Variants in ZNF407 observed in about 807,000 individuals in gnomAD.
The protein encoded by ZNF407 is zinc finger protein 407.
A neutral mutation model predicts 131.2 loss-of-function variants in ZNF407; 17 were observed. The observed-to-expected ratio is 0.13, with a 90% CI of 0.09 to 0.19. The LOEUF (loss-of-function observed/expected upper bound fraction) is 0.19, where lower values mean the gene tolerates loss of function less well. Among genes scored for constraint, ZNF407 ranks in the 10% least tolerant of loss-of-function variants. ZNF407 has a pLI of 1.00. For missense variants in ZNF407, 2,681 were observed against 2,830.6 expected (o/e 0.95, Z 1.20); for synonymous variants, 1,156 against 1,062.0 (o/e 1.09, Z -1.72).
Position 74,635,129 on chromosome 18 carries a change from G to A in ZNF407, c.4110G>A (p.Glu1370=), listed in dbSNP as rs763687847. The A allele has an allele frequency of 6.2e-7, 1 of 1,614,030 alleles. No individual in the cohort carries two copies. Among genetic ancestry groups the A allele is most frequent in the South Asian group, 1.1e-5 (1 of 91,080 alleles). ...GAATAAAGAACCCTGAAGATGGTGA[G>A]TTGATAGACCAGTCTGAAGAGGGCT... ...IIRIKNPEDG[E]LIDQSEEGLI... Residue 1370 remains glutamate, a synonymous_variant, in exon 2 of 9, where the codon GAG becomes GAA. Transcript: ENST00000299687. The surrounding 1 kb of genome is among the most constrained non-coding windows in gnomAD (Gnocchi z 4.7).
intron 8 of ZNF407, among the ~76,000 whole-genome samples, chr18:74,968,815 T>C (rs1330467975): frequency 1.3e-5 from 2 of 152,248 alleles, no homozygotes; most frequent in Non-Finnish European, 2.9e-5. Context: ...CAGGTATTTG[T>C]CGTTCACCAA....
At chr18:74,920,886 AT>A (rs1342467948) in intron 8 of ZNF407, 194 bp downstream of exon 8, 10 of 1,241,586 alleles carry the variant, frequency 8.1e-6, no homozygotes, top group African/African-American at 1.5e-5. Flanking sequence ...TTTCAACTGT[AT>A]TTTATCAAAA....
intron 3 of ZNF407, among the ~76,000 whole-genome samples, chr18:74,655,047 A>G (rs1423504211): frequency 6.6e-6 from 1 of 152,022 alleles, no homozygotes; most frequent in African/African-American, 2.4e-5. Context: ...TGATAATGCC[A>G]TTATTTATTT....
intron 8 of ZNF407, among the ~76,000 whole-genome samples, chr18:75,017,066 T>C (rs146796632): frequency 3.6e-4 from 55 of 152,296 alleles, no homozygotes; most frequent in African/African-American, 1.2e-3. Flanking sequence ...CATTTTTTTC[T>C]TTCCATAAAT....
At chr18:74,886,891 G>A (rs1971317703) in intron 6 of ZNF407, among the ~76,000 whole-genome samples, 1 of 152,138 alleles carries the variant, frequency 6.6e-6, no homozygotes. Context: ...TGTTTAAAAT[G>A]CTTTATACAT....
At chr18:74,648,190 C>A (rs533326901) in intron 3 of ZNF407, among the ~76,000 whole-genome samples, 8 of 152,204 alleles carry the variant, frequency 5.3e-5, no homozygotes, top group Non-Finnish European at 8.8e-5. Flanking sequence ...TCAGAAAACA[C>A]TTCCTTGGGC....
chr18:74,860,393 G>A (rs1320433137), intron 4 of ZNF407, among the ~76,000 whole-genome samples: 1 of 151,884 alleles, frequency 6.6e-6, no homozygotes, highest in Non-Finnish European at 1.5e-5. Flanking sequence ...AAAATCACAT[G>A]CCTATATTTG....
rs574743693 is a variant in ZNF407, at chr18:74,809,581, G to A, written c.4877+28079G>A. Among the ~76,000 whole-genome samples the A allele has an allele frequency of 2.6e-3, 399 of 152,280 alleles. 4 individuals carry two copies. Among genetic ancestry groups the A allele is most frequent in the African/African-American group, 9.1e-3 (377 of 41,562 alleles). On this transcript the variant is annotated intron_variant, in intron 4 of 8. Coordinates refer to ENST00000299687, the MANE Select transcript of ZNF407 (RefSeq NM_017757.3). Reference sequence around the variant, plus strand: ...GAATGCCTTTCTTCTGTTAAGTGAGGAAAAGGCAGTTGTGAGTTAAATAGG... The same window carrying A: ...GAATGCCTTTCTTCTGTTAAGTGAGAAAAAGGCAGTTGTGAGTTAAATAGG...
intron 3 of ZNF407, among the ~76,000 whole-genome samples, chr18:74,722,191 A>G (rs1283778502): frequency 6.6e-6 from 1 of 151,018 alleles, no homozygotes; most frequent in African/African-American, 2.4e-5. Flanking sequence ...TTCAGCCATT[A>G]ATTTTTTTTC....
chr18:74,928,156 G>T (rs1971937863), intron 8 of ZNF407, among the ~76,000 whole-genome samples: 1 of 152,148 alleles, frequency 6.6e-6, no homozygotes, highest in East Asian at 1.9e-4. Flanking sequence ...TATAGCCAAA[G>T]ACATCAATCA....
At chr18:74,971,400 C>T (rs1442762842) in intron 8 of ZNF407, among the ~76,000 whole-genome samples, 1 of 152,206 alleles carries the variant, frequency 6.6e-6, no homozygotes, top group Non-Finnish European at 1.5e-5. Context: ...CCTTATAAAA[C>T]TGAATACCTT....
chr18:74,829,004 A>G lies in ZNF407; in HGVS notation c.4877+47502A>G, dbSNP rs1264946244. On this transcript the variant is annotated intron_variant, in intron 4 of 8. Transcript: ENST00000299687. ...CACAATAGAAAGGGCCCCACATGTT[A>G]TGTTGGTTAAACAGGGGGCCAGTGG... is the stretch of plus-strand genomic sequence containing the variant. 2.0e-5 allele frequency among the ~76,000 whole-genome samples: 3 copies of G among 152,214 alleles called. No individual in the cohort carries two copies. The East Asian group carries it at 5.8e-4, about 29-fold the overall frequency.
chr18:74,979,582 G>A (rs988201218), intron 8 of ZNF407, among the ~76,000 whole-genome samples: 18 of 152,064 alleles, frequency 1.2e-4, no homozygotes, highest in African/African-American at 2.7e-4. Flanking sequence ...GTGAGCCACC[G>A]CACCTGGCTA....
intron 3 of ZNF407, among the ~76,000 whole-genome samples, chr18:74,765,716 T>C (rs570533480): frequency 4.5e-4 from 68 of 152,346 alleles, no homozygotes; most frequent in Admixed American, 9.1e-4. Context: ...TCTGTCTCTA[T>C]TGGGGTCTCA....
chr18:74,774,161 A>T (rs533739700), intron 3 of ZNF407, among the ~76,000 whole-genome samples: 4 of 152,360 alleles, frequency 2.6e-5, no homozygotes, highest in Admixed American at 2.6e-4. Context: ...AAGAGTCCAG[A>T]TAAAGTGCTT....
chr18:74,642,469 CTCATT>C (rs1984768185), intron 3 of ZNF407, among the ~76,000 whole-genome samples: 1 of 152,118 alleles, frequency 6.6e-6, no homozygotes, highest in Non-Finnish European at 1.5e-5. Context: ...CAGTTTTTCT[CTCATT>C]TCTGAGAAGT....
chr18:74,826,248 T>C (rs1970407998), intron 4 of ZNF407, among the ~76,000 whole-genome samples: 1 of 152,210 alleles, frequency 6.6e-6, no homozygotes, highest in African/African-American at 2.4e-5. Context: ...TCTGGTTATA[T>C]GGCAATGTGG....
At position 74,633,680 on chromosome 18, in the gene ZNF407, C is replaced by T; in HGVS notation, c.2661C>T (p.Tyr887=). The T allele has an allele frequency of 1.2e-6, 2 of 1,613,914 alleles. No individual in the cohort carries two copies. Among genetic ancestry groups the T allele is most frequent in the African/African-American group, 1.3e-5 (1 of 75,002 alleles). Residue 887 remains tyrosine (Y), a synonymous_variant, in exon 2 of 9, where the codon TAC becomes TAT. Coordinates refer to ENST00000299687, the MANE Select transcript of ZNF407 (RefSeq NM_017757.3). Reference sequence around the variant, plus strand: ...ATTTATGCAAAGTGTGTAAGTATTACACTGTAACTAAGGGAGATATGGAAC... The same window carrying T: ...ATTTATGCAAAGTGTGTAAGTATTATACTGTAACTAAGGGAGATATGGAAC... ...YSYLCKVCKY[Y]TVTKGDMERH...
chr18:74,842,072 T>C (rs1470196899), intron 4 of ZNF407, among the ~76,000 whole-genome samples: 1 of 152,248 alleles, frequency 6.6e-6, no homozygotes, highest in African/African-American at 2.4e-5. Context: ...CTTTGGTCTT[T>C]GTGTTATTTT....
Sources: allele counts gnomAD v4.1 joint callset (sites outside exome capture counted in the v4.1 genomes callset), GRCh38; gene constraint gnomAD v4.1.1; non-coding constraint Gnocchi (gnomAD v3.1); transcripts MANE v1.5; gene names NCBI Gene and HGNC (gene_info 2026-07-23, HGNC 2026-07-21).